Variants in ZC3H12B observed in about 807,000 individuals in gnomAD.
ZC3H12B encodes probable ribonuclease ZC3H12B.
A neutral mutation model predicts 43.9 loss-of-function variants in ZC3H12B; 7 were observed. That is an observed-to-expected ratio of 0.16 (90% CI 0.09 to 0.30). The LOEUF is 0.30. Ranked by LOEUF, ZC3H12B falls within the 10% of genes least tolerant of loss-of-function variation. ZC3H12B has a pLI of 1.00. For synonymous variants in ZC3H12B, 222 were observed against 241.7 expected, an observed-to-expected ratio of 0.92 and a Z score of 0.76; for missense variants, 475 against 670.2, an observed-to-expected ratio of 0.71 and a Z score of 3.22.
intron 3 of ZC3H12B, among the ~76,000 whole-genome samples, chrX:65,458,030 C>T (rs1340884191): frequency 1.5e-5 from 1 of 65,632 alleles, no homozygotes; most frequent in African/African-American, 6.7e-5. Flanking sequence ...CTGCCAAATC[C>T]CCCTCTGCGA....
At chrX:65,069,910 A>T in the ZC3H12B span, among the ~76,000 whole-genome samples, 1 of 110,378 alleles carries the variant, frequency 9.1e-6, no homozygotes, top group Non-Finnish European at 1.9e-5. Flanking sequence ...CTGAAGTTTT[A>T]TTTTTTGTGT....
the ZC3H12B span, among the ~76,000 whole-genome samples, chrX:65,233,650 A>T: frequency 2.7e-5 from 3 of 111,470 alleles, no homozygotes; most frequent in South Asian, 1.1e-3. Flanking sequence ...TTAAAATGTA[A>T]ACTTCAAATA....
At chrX:65,411,256 A>T (rs763892308) in intron 3 of ZC3H12B, among the ~76,000 whole-genome samples, 1 of 112,116 alleles carries the variant, frequency 8.9e-6, no homozygotes, top group Non-Finnish European at 1.9e-5. Flanking sequence ...AAATTAAAAC[A>T]ATTAAACTCA....
chrX:65,222,631 A>G, the ZC3H12B span, among the ~76,000 whole-genome samples: 1 of 103,944 alleles, frequency 9.6e-6, no homozygotes. Flanking sequence ...AATAATAATA[A>G]TAATAATAAT....
the ZC3H12B span, among the ~76,000 whole-genome samples, chrX:65,066,206 T>C: frequency 9.0e-6 from 1 of 110,860 alleles, no homozygotes; most frequent in African/African-American, 3.3e-5. Context: ...TGTGACCCTT[T>C]GGAGGAGAAG....
the ZC3H12B span, among the ~76,000 whole-genome samples, chrX:65,308,003 AC>A: frequency 1.4e-3 from 151 of 111,628 alleles, 2 homozygotes; most frequent in South Asian, 0.053. Context: ...TTCTTCAAAA[AC>A]AAATGTGAAG....
intron 3 of ZC3H12B, among the ~76,000 whole-genome samples, chrX:65,472,839 T>TAC (rs2067937391): frequency 1.1e-5 from 1 of 89,698 alleles, no homozygotes; most frequent in Admixed American, 1.3e-4. Flanking sequence ...TATATATATA[T>TAC]ATATATATAT....
the ZC3H12B span, among the ~76,000 whole-genome samples, chrX:65,227,841 T>G: frequency 9.0e-6 from 1 of 111,358 alleles, no homozygotes; most frequent in African/African-American, 3.3e-5. Flanking sequence ...AGGAAGAAGT[T>G]GAATCTCTGA....
At chrX:65,067,793 G>T in the ZC3H12B span, among the ~76,000 whole-genome samples, 2 of 108,596 alleles carry the variant, frequency 1.8e-5, no homozygotes, top group Non-Finnish European at 1.9e-5. Flanking sequence ...TTTGGTTTGC[G>T]CTTGCTTTTG....
chrX:65,120,202 A>T, the ZC3H12B span, among the ~76,000 whole-genome samples: 2 of 111,967 alleles, frequency 1.8e-5, no homozygotes, highest in African/African-American at 6.5e-5. Flanking sequence ...TGGTAGCTTA[A>T]TGGGGATTGC....
chrX:65,381,885 T>C (rs1168209918), intron 2 of ZC3H12B, among the ~76,000 whole-genome samples: 29 of 110,766 alleles, frequency 2.6e-4, no homozygotes, highest in Non-Finnish European at 4.5e-4. Flanking sequence ...ACACATACAC[T>C]CTCCCAAGAC....
chrX:65,276,881 T>A, the ZC3H12B span, among the ~76,000 whole-genome samples: 1 of 111,865 alleles, frequency 8.9e-6, no homozygotes, highest in African/African-American at 3.2e-5. Context: ...AGTCCTCATC[T>A]ATCAATAATA....
upstream of ZC3H12B, among the ~76,000 whole-genome samples, chrX:65,486,743 A>C (rs1443091302): frequency 1.8e-5 from 2 of 112,570 alleles, no homozygotes; most frequent in African/African-American, 6.4e-5. Context: ...TTGCATGTCT[A>C]CATAAGCATG....
At chrX:65,190,274 A>G in the ZC3H12B span, among the ~76,000 whole-genome samples, 4 of 110,238 alleles carry the variant, frequency 3.6e-5, no homozygotes, top group African/African-American at 6.6e-5. Context: ...TTGACTTGGC[A>G]ATGCGGGCTC....
At chrX:65,139,264 C>T in the ZC3H12B span, among the ~76,000 whole-genome samples, 1 of 112,221 alleles carries the variant, frequency 8.9e-6, no homozygotes, top group Non-Finnish European at 1.9e-5. Flanking sequence ...TTGATTTCTT[C>T]ATATTGTGTG....
the ZC3H12B span, among the ~76,000 whole-genome samples, chrX:65,143,259 G>T: frequency 9.0e-6 from 1 of 110,621 alleles, no homozygotes; most frequent in African/African-American, 3.3e-5. Flanking sequence ...TTGTTTCTTT[G>T]TTTGTTTTTG....
intron 3 of ZC3H12B, among the ~76,000 whole-genome samples, chrX:65,466,070 A>G (rs2067813792): frequency 9.0e-6 from 1 of 110,667 alleles, no homozygotes; most frequent in African/African-American, 3.3e-5. Context: ...TGTTAACTAT[A>G]GTGATATTGT....
At chrX:65,211,638 A>C in the ZC3H12B span, among the ~76,000 whole-genome samples, 3 of 93,548 alleles carry the variant, frequency 3.2e-5, no homozygotes, top group Non-Finnish European at 6.2e-5. Context: ...TAAAATTATA[A>C]TTATGCCTGT....
At chrX:65,150,549 T>C in the ZC3H12B span, among the ~76,000 whole-genome samples, 1 of 110,002 alleles carries the variant, frequency 9.1e-6, no homozygotes, top group African/African-American at 3.3e-5. Flanking sequence ...CCATGTATTC[T>C]GATTGTTCAA....
Sources: gnomAD v4.1 joint callset for allele counts (sites outside exome capture counted in the v4.1 genomes callset) on GRCh38, gnomAD v4.1.1 for gene constraint, MANE v1.5 for transcripts, NCBI Gene and HGNC (gene_info 2026-07-23, HGNC 2026-07-21) for gene names.